Variants in HLTF observed in about 807,000 individuals in gnomAD.
HLTF encodes the protein DNA-dependent ATPase/E3 ubiquitin-protein ligase HLTF.
A neutral mutation model predicts 129.4 loss-of-function variants in HLTF; 127 were observed. The ratio of observed to expected loss-of-function variants is 0.98; its 90% confidence interval spans 0.85 to 1.14. The LOEUF (loss-of-function observed/expected upper bound fraction) is 1.14. Ranked by LOEUF, HLTF falls within the 50% of genes most tolerant of loss-of-function variation. The pLI is 0.00. For missense variants in HLTF, 1,139 were observed against 1,187.1 expected (o/e 0.96, Z 0.60); for synonymous variants, 332 against 388.8 (o/e 0.85, Z 1.72).
At chr3:149,070,579 G>A (rs1364767122) in intron 7 of HLTF, among the ~76,000 whole-genome samples, 1 of 152,164 alleles carries the variant, frequency 6.6e-6, no homozygotes, top group African/African-American at 2.4e-5. Flanking sequence ...GGGTTACTGA[G>A]ACTGAAAAAT....
Position 149,059,788 on chromosome 3 carries a change from T to C in HLTF, c.1305A>G (p.Ile435Met). 6.3e-7 allele frequency: 1 copy of C among 1,597,992 alleles called. No individual in the cohort carries two copies. Among genetic ancestry groups the C allele is most frequent in the Non-Finnish European group, 8.5e-7 (1 of 1,173,960 alleles). ...GRAKAGSSKV[I>M]EDVAFACALT... The stretch of plus-strand genomic sequence containing the variant: ...ATGCACATGCAAATGCCACATCTTC[T>C]ATAACCTTAGAAGATCCTGCTGATA... Residue 435 changes from isoleucine to methionine, a missense_variant, in exon 13 of 25, where the codon ATA becomes ATG. Coordinates refer to ENST00000310053, the MANE Select transcript of HLTF (RefSeq NM_003071.4).
At chr3:149,040,490 C>G (rs1716036018) in intron 20 of HLTF, among the ~76,000 whole-genome samples, 2 of 151,650 alleles carry the variant, frequency 1.3e-5, no homozygotes, top group Admixed American at 1.3e-4. Context: ...TACAGCTACA[C>G]TATTTAGTAC....
chr3:149,049,161 A>G (rs1415599368), intron 15 of HLTF, among the ~76,000 whole-genome samples, 160 bp from the exon 16 acceptor site: 2 of 152,208 alleles, frequency 1.3e-5, no homozygotes, highest in Non-Finnish European at 2.9e-5. Flanking sequence ...ACAAGTTTAT[A>G]AAATAAGTAC....
chr3:149,060,976 AT>A, intron 10 of HLTF, 118 bp from the exon 11 acceptor site: 1 of 685,100 alleles, frequency 1.5e-6, no homozygotes, highest in Non-Finnish European at 2.5e-6. Context: ...TTTTTGAAAA[AT>A]TTTTTAAAGA....
intron 3 of HLTF, 67 bp from the exon 4 acceptor site, chr3:149,074,415 G>C: frequency 7.0e-7 from 1 of 1,421,076 alleles, no homozygotes. Flanking sequence ...CTAAGAATTA[G>C]TTCAATATTT....
At chr3:149,065,017 T>C in intron 8 of HLTF, 151 bp from the exon 9 acceptor site, 1 of 455,486 alleles carries the variant, frequency 2.2e-6, no homozygotes, top group Admixed American at 4.1e-5. Flanking sequence ...GGTGAATAAG[T>C]GAAGAGGAAA....
chr3:149,071,486 C>T, intron 6 of HLTF, 43 bp from the exon 7 acceptor site: 1 of 1,520,346 alleles, frequency 6.6e-7, no homozygotes, highest in South Asian at 1.1e-5. Context: ...TAAGCCATTC[C>T]TTTTTCACAT....
chr3:149,078,054 A>G (rs1210310318), intron 2 of HLTF, among the ~76,000 whole-genome samples: 2 of 152,264 alleles, frequency 1.3e-5, no homozygotes, highest in Admixed American at 1.3e-4. Flanking sequence ...AAACTCAGCA[A>G]CAACAAACCA....
chr3:149,032,969 A>C (rs1259925810), intron 24 of HLTF, among the ~76,000 whole-genome samples: 3 of 139,480 alleles, frequency 2.2e-5, no homozygotes, highest in Non-Finnish European at 4.6e-5. Flanking sequence ...AAAAAAAAAA[A>C]AAAAAAAACA....
chr3:149,071,410 G>A lies in HLTF; in HGVS notation c.736C>T (p.Gln246Ter). The A allele has an allele frequency of 2.5e-6, 4 of 1,613,246 alleles. No individual in the cohort carries two copies. The highest frequency in any genetic ancestry group is 3.4e-6 in the Non-Finnish European group (4 of 1,179,748). Residue 246 changes from glutamine (Q) to a stop codon, truncating the protein, a stop_gained, in exon 7 of 25, where the codon CAA becomes TAA. Transcript: ENST00000310053. LOFTEE classifies it high-confidence loss of function. ...IETPLLPHQKQALAWMVSREN... is the reference protein window; with the variant it reads ...IETPLLPHQK The stretch of plus-strand genomic sequence containing the variant: ...CGTGACACCATCCAAGCTAGAGCTT[G>A]TTTTTGATGTGGAAGCAGTGGTGTT...
In HLTF at chr3:149,050,221, A is replaced by G. The variant is rs146278749; in HGVS notation, c.1617+11T>C. ...TCTTTAAAAGATCTGTTAAGTATCA[A>G]CAATACTTACTCCATAGTCATGAGT... On this transcript the variant is annotated intron_variant, in intron 15 of 24. Coordinates refer to ENST00000310053, the MANE Select transcript of HLTF (RefSeq NM_003071.4). 566 of 1,512,006 alleles carry G rather than the reference A, an allele frequency of 3.7e-4. No homozygotes were observed. The African/African-American group carries it at 7.2e-3, about 19-fold the overall frequency. 93.7% of individuals were successfully genotyped at this position (1,512,006 alleles called of 1,614,324 possible). A position where few individuals can be genotyped will look rare whatever the true frequency, so the allele number is the denominator to read the frequency against.
chr3:149,082,569 CT>C (rs1458695723), intron 2 of HLTF, among the ~76,000 whole-genome samples: 1 of 152,168 alleles, frequency 6.6e-6, no homozygotes, highest in Non-Finnish European at 1.5e-5. Context: ...CGGATACAAT[CT>C]GTATCTTGAT....
intron 13 of HLTF, among the ~76,000 whole-genome samples, chr3:149,058,219 G>A (rs1048038099): frequency 2.0e-5 from 3 of 152,148 alleles, no homozygotes; most frequent in South Asian, 2.1e-4. Flanking sequence ...CTACAGGCAT[G>A]TGCTACCATG....
At chr3:149,033,242 CTA>C in intron 24 of HLTF, among the ~76,000 whole-genome samples, 1 of 151,962 alleles carries the variant, frequency 6.6e-6, no homozygotes, top group East Asian at 1.9e-4. Context: ...ATAACTAAAG[CTA>C]TATAATAAAA....
chr3:149,070,860 C>G (rs973661484), intron 7 of HLTF, among the ~76,000 whole-genome samples: 1 of 152,034 alleles, frequency 6.6e-6, no homozygotes, highest in Admixed American at 6.6e-5. Context: ...GCCTGGCCAA[C>G]GTGGTAAAAC....
intron 17 of HLTF, among the ~76,000 whole-genome samples, chr3:149,046,869 T>G (rs1042021353): frequency 6.6e-6 from 1 of 152,194 alleles, no homozygotes; most frequent in African/African-American, 2.4e-5. Flanking sequence ...TTCCCAACAT[T>G]GAAATATAAA....
intron 8 of HLTF, among the ~76,000 whole-genome samples, chr3:149,067,184 ATG>A (rs1310779614): frequency 3.3e-5 from 5 of 151,216 alleles, no homozygotes; most frequent in African/African-American, 1.2e-4. Flanking sequence ...ACATATATAT[ATG>A]TATATATATA....
At chr3:149,048,298 C>G in intron 16 of HLTF, 135 bp from the exon 17 acceptor site, 1 of 544,294 alleles carries the variant, frequency 1.8e-6, no homozygotes, top group Non-Finnish European at 3.1e-6. Flanking sequence ...TTAAATTAAA[C>G]TATCAAGTGT....
chr3:149,033,705 C>G (rs1265756591), intron 24 of HLTF, among the ~76,000 whole-genome samples: 1 of 151,884 alleles, frequency 6.6e-6, no homozygotes, highest in Non-Finnish European at 1.5e-5. Flanking sequence ...CGTTCTTCAT[C>G]TGATAAAATA....
Sources: allele counts gnomAD v4.1 joint callset (sites outside exome capture counted in the v4.1 genomes callset), GRCh38; gene constraint gnomAD v4.1.1; transcripts MANE v1.5; gene names NCBI Gene and HGNC (gene_info 2026-07-23, HGNC 2026-07-21).